Variants in PDE4B observed in about 807,000 individuals in gnomAD.
PDE4B encodes the protein phosphodiesterase 4B, also known as 3',5'-cyclic-AMP phosphodiesterase 4B.
PDE4B carries 20 observed loss-of-function variants against 82.2 expected under a neutral mutation model. The ratio of observed to expected loss-of-function variants is 0.24; its 90% CI spans 0.17 to 0.35. The LOEUF is 0.35. Ranked by LOEUF, PDE4B falls within the 10% of genes least tolerant of loss-of-function variation. PDE4B has a pLI of 1.00. For missense variants in PDE4B, 655 were observed against 907.2 expected (o/e 0.72, Z 3.57); for synonymous variants, 320 against 318.9 (o/e 1.00, Z -0.04).
rs180940749 is a variant in PDE4B at position 66,065,295 on chromosome 1, A to G, written c.281+146460A>G. Among the ~76,000 whole-genome samples, 836 of 152,026 alleles carry G rather than the reference A, an allele frequency of 5.5e-3. 6 individuals carry two copies. The highest frequency in any genetic ancestry group is 6.1e-3 in the Non-Finnish European group (416 of 67,878). ...TATTGAGTGGTTATTACCGTATGTC[A>G]TTGAATGTAAGTTGCCATCAATTTT... On this transcript the variant is annotated intron_variant, in intron 3 of 16. Coordinates refer to ENST00000341517, the MANE Select transcript of PDE4B (RefSeq NM_002600.4).
chr1:65,879,818 CT>C (rs1293368668), intron 1 of PDE4B, among the ~76,000 whole-genome samples: 1 of 152,182 alleles, frequency 6.6e-6, no homozygotes, highest in African/African-American at 2.4e-5. Context: ...AACTTAAGGG[CT>C]GTTTACTTCC....
intron 3 of PDE4B, among the ~76,000 whole-genome samples, chr1:66,100,653 G>A (rs1449410934): frequency 1.3e-5 from 2 of 152,086 alleles, no homozygotes; most frequent in Admixed American, 1.3e-4. Flanking sequence ...CACTGTTGTT[G>A]TGAGGAGAGT....
At chr1:66,095,205 G>A (rs973254845) in intron 3 of PDE4B, among the ~76,000 whole-genome samples, 1 of 151,870 alleles carries the variant, frequency 6.6e-6, no homozygotes, top group Non-Finnish European at 1.5e-5. Flanking sequence ...AACTAGAAGA[G>A]TCTTTTTTTA....
chr1:65,842,033 G>A (rs530833567), intron 1 of PDE4B, among the ~76,000 whole-genome samples: 3 of 152,158 alleles, frequency 2.0e-5, no homozygotes, highest in Admixed American at 6.5e-5. Flanking sequence ...CTTTCCCTTC[G>A]ATGTAGTCAT....
chr1:66,245,397 C>A lies in PDE4B; in HGVS notation c.282-2063C>A, dbSNP rs893283699. 4.6e-5 allele frequency among the ~76,000 whole-genome samples: 7 copies of A among 152,312 alleles called. No individual in the cohort carries two copies. In the East Asian group the frequency reaches 1.3e-3, roughly 29 times the overall value. On this transcript the variant is annotated intron_variant, in intron 3 of 16. Coordinates refer to ENST00000341517, the MANE Select transcript of PDE4B (RefSeq NM_002600.4). ...AATCCCCTCTTCACTTTTTAAGAAC[C>A]TACCTACTTTGCCCTTAAAAATAGT...
intron 8 of PDE4B, among the ~76,000 whole-genome samples, chr1:66,339,286 T>G (rs542006158): frequency 1.1e-4 from 16 of 152,364 alleles, no homozygotes; most frequent in African/African-American, 3.8e-4. Flanking sequence ...ACTCTTTCTA[T>G]GACAAAATGG....
intron 3 of PDE4B, among the ~76,000 whole-genome samples, chr1:66,103,719 C>G (rs1431188582): frequency 1.3e-5 from 2 of 152,054 alleles, no homozygotes; most frequent in Admixed American, 1.3e-4. Flanking sequence ...AAAATTTGCT[C>G]TAGAGATTTC....
intron 1 of PDE4B, among the ~76,000 whole-genome samples, chr1:65,875,839 A>G (rs575142828): frequency 5.2e-4 from 78 of 151,150 alleles, no homozygotes; most frequent in Middle Eastern, 6.8e-3. Flanking sequence ...ATTGGGAGGT[A>G]TACCTAATGT....
At chr1:65,884,858 A>T (rs1646753580) in intron 1 of PDE4B, among the ~76,000 whole-genome samples, 1 of 152,244 alleles carries the variant, frequency 6.6e-6, no homozygotes, top group African/African-American at 2.4e-5. Flanking sequence ...AAGTTGACAA[A>T]TGGGATCTAA....
At chr1:65,883,539 A>G (rs1324541653) in intron 1 of PDE4B, among the ~76,000 whole-genome samples, 6 of 152,246 alleles carry the variant, frequency 3.9e-5, no homozygotes, top group Middle Eastern at 3.4e-3. Context: ...TTGCTTATCA[A>G]TTTAAGGAGA....
chr1:66,305,371 A>G (rs938396851), intron 7 of PDE4B, among the ~76,000 whole-genome samples: 1 of 152,166 alleles, frequency 6.6e-6, no homozygotes, highest in African/African-American at 2.4e-5. Flanking sequence ...TAGTCTTCTT[A>G]TTTAGGGTTG....
intron 1 of PDE4B, among the ~76,000 whole-genome samples, chr1:65,898,554 G>A (rs1646936268): frequency 6.6e-6 from 1 of 152,102 alleles, no homozygotes; most frequent in Non-Finnish European, 1.5e-5. Flanking sequence ...CACATTACCT[G>A]ATTTCAAACT....
chr1:66,359,928 T>G (rs1662616607), intron 9 of PDE4B, among the ~76,000 whole-genome samples: 1 of 152,172 alleles, frequency 6.6e-6, no homozygotes, highest in Non-Finnish European at 1.5e-5. Context: ...GCAAAGTAAT[T>G]GCAAAATAAA....
intron 3 of PDE4B, among the ~76,000 whole-genome samples, chr1:66,075,890 T>TAAACAAAACAAAACA (rs755561830): frequency 7.5e-5 from 7 of 92,904 alleles, no homozygotes; most frequent in South Asian, 3.4e-4. Flanking sequence ...CATTCACATT[T>TAAACAAAACAAAACA]AAACAAAACA....
chr1:66,036,237 C>T (rs1334201848), intron 3 of PDE4B, among the ~76,000 whole-genome samples: 1 of 152,128 alleles, frequency 6.6e-6, no homozygotes, highest in Non-Finnish European at 1.5e-5. Context: ...CCTTATCCAG[C>T]ATATGATTTG....
chr1:66,211,191 A>G (rs972599098), intron 3 of PDE4B, among the ~76,000 whole-genome samples: 2 of 152,224 alleles, frequency 1.3e-5, no homozygotes, highest in Non-Finnish European at 2.9e-5. Context: ...ATAATATTAC[A>G]AGGTTTATAG....
At chr1:66,012,282 C>T (rs1041028436) in intron 3 of PDE4B, among the ~76,000 whole-genome samples, 16 of 152,102 alleles carry the variant, frequency 1.1e-4, no homozygotes, top group Non-Finnish European at 2.4e-4. Context: ...TTAACATGTT[C>T]TCAAATTCTC....
rs72641142 is a variant in PDE4B, at chr1:66,226,964, T to C, written c.282-20496T>C. On this transcript the variant is annotated intron_variant, in intron 3 of 16. Coordinates refer to ENST00000341517, the MANE Select transcript of PDE4B (RefSeq NM_002600.4). ...CAGAATTACAAGGATAGGACAGACATTGGAAATAGAGCCAACAGGACTTGC... is the reference window on the plus strand; with the variant it reads ...CAGAATTACAAGGATAGGACAGACACTGGAAATAGAGCCAACAGGACTTGC... 0.011 allele frequency among the ~76,000 whole-genome samples: 1,734 copies of C among 152,190 alleles called. 57 individuals carry two copies. The East Asian group carries it at 0.11, about 10-fold the overall frequency.
intron 8 of PDE4B, among the ~76,000 whole-genome samples, chr1:66,342,448 G>T (rs1424583803): frequency 6.6e-6 from 1 of 151,364 alleles, no homozygotes; most frequent in African/African-American, 2.4e-5. Flanking sequence ...AGTGGCTCAC[G>T]CCTGTAATCC....
Sources: allele counts gnomAD v4.1 joint callset (sites outside exome capture counted in the v4.1 genomes callset), GRCh38; gene constraint gnomAD v4.1.1; transcripts MANE v1.5; gene names NCBI Gene and HGNC (gene_info 2026-07-23, HGNC 2026-07-21).